NALF1: variants seen among roughly 807,000 people sequenced by gnomAD.
NALF1 encodes family with sequence similarity 155 member A.
NALF1 carries 3 observed loss-of-function variants against 48.4 expected under a neutral mutation model. The observed-to-expected ratio is 0.06, with a 90% CI of 0.03 to 0.16. The LOEUF (loss-of-function observed/expected upper bound fraction) is 0.16. Ranked by LOEUF, NALF1 falls within the 10% of genes least tolerant of loss-of-function variation. The pLI, the probability that NALF1 is intolerant of heterozygous loss-of-function variation, is 1.00. For synonymous variants in NALF1, 262 were observed against 245.7 expected (o/e 1.07, Z -0.62); for missense variants, 526 against 571.5 (o/e 0.92, Z 0.81).
chr13:107,463,629 T>G (rs1326044397), intron 1 of NALF1, among the ~76,000 whole-genome samples: 1 of 152,148 alleles, frequency 6.6e-6, no homozygotes, highest in Non-Finnish European at 1.5e-5. Flanking sequence ...TAATATTAAG[T>G]ATTTGAGGAT....
In NALF1 at chr13:107,777,113, ACTG is replaced by A. The variant is rs762757925; in HGVS notation, c.915+88566_915+88568del. Among the ~76,000 whole-genome samples, 4 of 152,154 alleles carry A rather than the reference ACTG, an allele frequency of 2.6e-5. No individual in the cohort carries two copies. The East Asian group carries it at 5.8e-4, about 22-fold the overall frequency. On this transcript the variant is annotated intron_variant, in intron 1 of 2. Coordinates refer to ENST00000375915, the MANE Select transcript of NALF1 (RefSeq NM_001080396.3). ...TCTCAAACAAACGAACGAACAAAAA[ACTG>A]GTAACATTTACTGATATTTCTATAT...
chr13:107,720,652 A>G (rs1367625591), intron 1 of NALF1, among the ~76,000 whole-genome samples: 2 of 152,188 alleles, frequency 1.3e-5, no homozygotes, highest in Admixed American at 6.5e-5. Flanking sequence ...AATTAGCCAA[A>G]TCAAATAAAT....
intron 1 of NALF1, among the ~76,000 whole-genome samples, chr13:107,715,254 G>A (rs1875717089): frequency 6.6e-6 from 1 of 151,544 alleles, no homozygotes; most frequent in South Asian, 2.1e-4. Context: ...CCAGGCTGGA[G>A]TGCAGTGGCA....
chr13:107,741,395 A>G (rs895101563), intron 1 of NALF1, among the ~76,000 whole-genome samples: 8 of 152,240 alleles, frequency 5.3e-5, no homozygotes, highest in African/African-American at 1.7e-4. Flanking sequence ...TCTTGTGGAT[A>G]AAGTGAAGAT....
intron 1 of NALF1, among the ~76,000 whole-genome samples, chr13:107,845,982 T>A (rs1284298394): frequency 6.6e-6 from 1 of 152,168 alleles, no homozygotes; most frequent in East Asian, 1.9e-4. Flanking sequence ...TATTAGAGTA[T>A]ACAGCAAAAA....
intron 1 of NALF1, among the ~76,000 whole-genome samples, chr13:107,343,422 A>T (rs1451118800): frequency 6.6e-6 from 1 of 152,170 alleles, no homozygotes; most frequent in Non-Finnish European, 1.5e-5. Context: ...TGCTGCTCTC[A>T]TGATAGTAAA....
At chr13:107,527,818 T>A (rs976335351) in intron 1 of NALF1, among the ~76,000 whole-genome samples, 1 of 152,254 alleles carries the variant, frequency 6.6e-6, no homozygotes, top group African/African-American at 2.4e-5. Context: ...GCTTCTGCCA[T>A]GATTGTGAAG....
At chr13:107,183,518 A>T (rs1879108960) in intron 2 of NALF1, among the ~76,000 whole-genome samples, 1 of 152,210 alleles carries the variant, frequency 6.6e-6, no homozygotes. Context: ...ATCATAAATC[A>T]TTCTACTATA....
At chr13:107,296,027 G>A (rs1881718352) in intron 1 of NALF1, among the ~76,000 whole-genome samples, 2 of 152,202 alleles carry the variant, frequency 1.3e-5, no homozygotes, top group Admixed American at 1.3e-4. Flanking sequence ...TCAGCAAGAT[G>A]TGGGCAACAT....
At chr13:107,417,371 G>C (rs1427553558) in intron 1 of NALF1, among the ~76,000 whole-genome samples, 2 of 152,084 alleles carry the variant, frequency 1.3e-5, no homozygotes, top group South Asian at 4.2e-4. Flanking sequence ...CTTTCCAAGA[G>C]GTATCTCAGG....
At chr13:107,522,443 T>G (rs1301779263) in intron 1 of NALF1, among the ~76,000 whole-genome samples, 1 of 152,160 alleles carries the variant, frequency 6.6e-6, no homozygotes. Flanking sequence ...GTTTCACTGA[T>G]AAATATTTGT....
intron 1 of NALF1, among the ~76,000 whole-genome samples, chr13:107,846,278 G>C (rs1880169843): frequency 6.6e-6 from 1 of 152,132 alleles, no homozygotes; most frequent in African/African-American, 2.4e-5. Flanking sequence ...GTTCTAGATA[G>C]AGACTGTTCT....
chr13:107,756,141 G>A (rs1051588604), intron 1 of NALF1, among the ~76,000 whole-genome samples: 1 of 152,148 alleles, frequency 6.6e-6, no homozygotes, highest in Non-Finnish European at 1.5e-5. Context: ...AGCTAGAAGA[G>A]AGAAACTTTT....
At chr13:107,651,484 A>G (rs3905101) in intron 1 of NALF1, among the ~76,000 whole-genome samples, 102,688 of 152,110 alleles carry the variant, frequency 0.68, 34,856 homozygotes, top group East Asian at 0.79. Flanking sequence ...GTTCTCTGAA[A>G]TAAGCAAAAC....
chr13:107,244,254 G>A (rs1160389637), intron 1 of NALF1, among the ~76,000 whole-genome samples: 1 of 152,144 alleles, frequency 6.6e-6, no homozygotes, highest in East Asian at 1.9e-4. Flanking sequence ...ATTTTTCAGG[G>A]AAAAGATGTT....
intron 2 of NALF1, among the ~76,000 whole-genome samples, chr13:107,209,485 C>T (rs1000675740): frequency 1.4e-5 from 2 of 142,168 alleles, no homozygotes; most frequent in Non-Finnish European, 1.5e-5. Flanking sequence ...TGACACAGAG[C>T]GAGACTCCAT....
chr13:107,851,866 C>T (rs745584248), intron 1 of NALF1, among the ~76,000 whole-genome samples: 2 of 130,450 alleles, frequency 1.5e-5, no homozygotes, highest in East Asian at 2.4e-4. Flanking sequence ...TTGAGTGCAG[C>T]GGGACAATCA....
chr13:107,298,372 A>AAAAAAAAAAAAAAAAAAC, intron 1 of NALF1, among the ~76,000 whole-genome samples: 1 of 149,632 alleles, frequency 6.7e-6, no homozygotes, highest in Non-Finnish European at 1.5e-5. Context: ...AAAAAAAAAA[A>AAAAAAAAAAAAAAAAAAC]AAAAAAAAGA....
chr13:107,819,644 A>G (rs1476028826), intron 1 of NALF1, among the ~76,000 whole-genome samples: 1 of 151,432 alleles, frequency 6.6e-6, no homozygotes, highest in East Asian at 2.0e-4. Flanking sequence ...CTCTGCCACT[A>G]CATTCCCATA....
Sources: gnomAD v4.1 joint callset for allele counts (sites outside exome capture counted in the v4.1 genomes callset) on GRCh38, gnomAD v4.1.1 for gene constraint, MANE v1.5 for transcripts, NCBI Gene and HGNC (gene_info 2026-07-23, HGNC 2026-07-21) for gene names.